AP4B1: variants seen among roughly 807,000 people sequenced by gnomAD.
AP4B1 encodes AP-4 complex subunit beta-1.
AP4B1 carries 49 observed loss-of-function variants against 76.5 expected under a neutral mutation model. That is an observed-to-expected ratio of 0.64 (90% CI 0.51 to 0.81). The LOEUF is 0.81. Ranked by LOEUF, AP4B1 falls within the 40% of genes least tolerant of loss-of-function variation. AP4B1 has a pLI of 0.00. For synonymous variants in AP4B1, 330 were observed against 333.3 expected (o/e 0.99, Z 0.11); for missense variants, 911 against 904.9 (o/e 1.01, Z -0.09).
chr1:113,899,391 C>T, intron 5 of AP4B1: 7 of 975,034 alleles, frequency 7.2e-6, no homozygotes, highest in Non-Finnish European at 8.6e-6. Context: ...GGTCTACATT[C>T]AGCACAATAC....
In AP4B1 at chr1:113,900,415, AAAC is replaced by A. The variant is rs1558090558; in HGVS notation, c.618-18_618-16del. The A allele has an allele frequency of 6.2e-7, 1 of 1,613,276 alleles. No individual in the cohort carries two copies. Among genetic ancestry groups the A allele is most frequent in the Non-Finnish European group, 8.5e-7 (1 of 1,179,892 alleles). ...GTTTTGACATTCTATCCAAAAAACA[AAAC>A]AAAAGAGCTATTTTAGCAACAAAAT... On this transcript the variant is annotated splice_polypyrimidine_tract_variant and intron_variant, in intron 4 of 9. Coordinates refer to ENST00000369569, the MANE Select transcript of AP4B1 (RefSeq NM_001253852.3).
At position 113,896,288 on chromosome 1, in the gene AP4B1, T is replaced by C. The variant is rs550954180; in HGVS notation, c.1480A>G (p.Met494Val). 9.9e-6 allele frequency: 16 copies of C among 1,614,212 alleles called. No homozygotes were observed. In the South Asian group the frequency reaches 1.4e-4, roughly 14 times the overall value. Residue 494 changes from methionine to valine, a missense_variant, in exon 8 of 10, where the codon ATG (methionine) becomes GTG (valine). Physicochemically the swap from Met to Val is conservative, Grantham distance 21. Transcript: ENST00000369569. ...FLSRPAECQD[M>V]LGRLLYYCIE... ...CAGTAATACAACAAACGTCCTAGCA[T>C]GTCCTGGCACTCAGCAGGTCGGGAG...
At chr1:113,899,862 G>A in intron 5 of AP4B1, 42 bp downstream of exon 5, 1 of 1,614,020 alleles carries the variant, frequency 6.2e-7, no homozygotes, top group Non-Finnish European at 8.5e-7. Context: ...TTTCTTGCTG[G>A]CTGGTCTAGG....
chr1:113,904,753 C>T lies in AP4B1; in HGVS notation c.-36G>A. 2 of 1,572,656 alleles carry T rather than the reference C, an allele frequency of 1.3e-6. No individual in the cohort carries two copies. The highest frequency in any genetic ancestry group is 1.7e-6 in the Non-Finnish European group (2 of 1,144,040). On this transcript the variant is annotated 5_prime_UTR_variant, in exon 1 of 10. Transcript: ENST00000369569. ...GTCACAGGGCAGCTCCCACAGCTCC[C>T]ACGGTAACTCGAGGGCTCCTTCTCG...
Position 113,897,845 on chromosome 1 carries a change from T to C in AP4B1, c.1297A>G (p.Ser433Gly). Reference sequence around the variant, plus strand: ...AAAGGAGAATTACAGTCTACCTCACTATCTTGAATGTTCTCTTCACAGCCG... The same window carrying C: ...AAAGGAGAATTACAGTCTACCTCACCATCTTGAATGTTCTCTTCACAGCCG... ...LPGCEENIQDSEGKQALIWLL... is the reference protein window; with the variant it reads ...LPGCEENIQDGEGKQALIWLL... The change falls in exon 7 of 10, where the codon AGT becomes GGT. Residue 433 changes from serine (S) to glycine (G), a missense_variant. Physicochemically the swap from Ser to Gly is moderately conservative, Grantham distance 56 (BLOSUM62 0). Transcript: ENST00000369569. 1 of 1,614,086 alleles carries C rather than the reference T, an allele frequency of 6.2e-7. No homozygotes were observed. Among genetic ancestry groups the C allele is most frequent in the Non-Finnish European group, 8.5e-7 (1 of 1,179,976 alleles).
In AP4B1 at chr1:113,895,358, G is replaced by A. The variant is rs763147902; in HGVS notation, c.1927C>T (p.Gln643Ter). ...TCTCCCCGCCAAGGCAACACTTGCT[G>A]ATGAGCAACTTTAAGGCTAAGCCAA... ...KTWLSLKVAH[Q>*]QVLPWRGEFH... is the part of the protein sequence containing the mutation. Residue 643 changes from glutamine (Q) to a stop codon, truncating the protein, a stop_gained, in exon 10 of 10, where the codon CAG becomes TAG. Coordinates refer to ENST00000369569, the MANE Select transcript of AP4B1 (RefSeq NM_001253852.3). LOFTEE classifies it high-confidence loss of function. 1 of 1,614,218 alleles carries A rather than the reference G, an allele frequency of 6.2e-7. No individual in the cohort carries two copies.
chr1:113,898,690 A>T (rs1667811412), intron 6 of AP4B1, 28 bp downstream of exon 6: 1 of 1,592,132 alleles, frequency 6.3e-7, no homozygotes, highest in Admixed American at 1.7e-5. Context: ...GACAAAAAAA[A>T]CAAAAATCCT....
At chr1:113,903,860 T>C (rs1019285399) in intron 1 of AP4B1, among the ~76,000 whole-genome samples, 2 of 152,224 alleles carry the variant, frequency 1.3e-5, no homozygotes, top group Admixed American at 6.5e-5. Context: ...TACAGATTCC[T>C]GGGTTCCCTC....
rs1403427073 is a variant in AP4B1, at chr1:113,902,502, A to C, written c.338+136T>G. On this transcript the variant is annotated intron_variant, in intron 2 of 9. Transcript: ENST00000369569. ...GGTTATTAAGCCAAAGCAGTGGCTG[A>C]AAATCTGAGTTCAGGGTACAATAAT... 3 of 893,660 alleles carry C rather than the reference A, an allele frequency of 3.4e-6. No homozygotes were observed. In the African/African-American group the frequency reaches 5.0e-5, roughly 15 times the overall value. The allele number at this position is 893,660 out of a possible 1,614,324, so 55.4% of individuals were successfully genotyped here.
intron 5 of AP4B1, 141 bp downstream of exon 5, chr1:113,899,763 A>T: frequency 2.2e-6 from 3 of 1,333,368 alleles, no homozygotes; most frequent in South Asian, 1.2e-5. Context: ...CCGTGTTTGT[A>T]GTCACTGACC....
rs370455247 is a variant in AP4B1, at chr1:113,900,150, G to A, written c.868C>T (p.Arg290Cys). The A allele has an allele frequency of 5.0e-6, 8 of 1,614,040 alleles. No individual in the cohort carries two copies. The highest frequency in any genetic ancestry group is 2.7e-5 in the African/African-American group (2 of 74,888). ...PLLAACSSESRELCFVALCHV... is the reference protein window; with the variant it reads ...PLLAACSSESCELCFVALCHV... ...CAAAGAGCAACAAAACAGAGCTCAC[G>A]GCTCTCTGAAGAACAGGCAGCTAGC... Residue 290 changes from arginine to cysteine, a missense_variant, in exon 5 of 10, where the codon CGT becomes TGT. Arg to Cys is a radical substitution (Grantham distance 180). Coordinates refer to ENST00000369569, the MANE Select transcript of AP4B1 (RefSeq NM_001253852.3).
At position 113,896,253 on chromosome 1, in the gene AP4B1, C is replaced by T; in HGVS notation, c.1510+5G>A. 1 of 1,614,122 alleles carries T rather than the reference C, an allele frequency of 6.2e-7. No homozygotes were observed. The highest frequency in any genetic ancestry group is 8.5e-7 in the Non-Finnish European group (1 of 1,179,996). ...GCAAATACTATTTCCTTCTGAAAAA[C>T]CCACCTATGCAGTAATACAACAAAC... is the stretch of plus-strand genomic sequence containing the variant. On this transcript the variant is annotated splice_donor_5th_base_variant and intron_variant, in intron 8 of 9. Coordinates refer to ENST00000369569, the MANE Select transcript of AP4B1 (RefSeq NM_001253852.3).
chr1:113,896,067 T>G lies in AP4B1; in HGVS notation c.1511-29A>C, dbSNP rs757549794. On this transcript the variant is annotated intron_variant, in intron 8 of 9. Coordinates refer to ENST00000369569, the MANE Select transcript of AP4B1 (RefSeq NM_001253852.3). Reference sequence around the variant, plus strand: ...AGGTAAGACAACAGATTGACTTCATTAAAAACAAAACCACTTTCCTCCTAC... The same window carrying G: ...AGGTAAGACAACAGATTGACTTCATGAAAAACAAAACCACTTTCCTCCTAC... 5 of 1,613,970 alleles carry G rather than the reference T, an allele frequency of 3.1e-6. No homozygotes were observed. The East Asian group carries it at 1.1e-4, about 36-fold the overall frequency.
intron 5 of AP4B1, 171 bp downstream of exon 5, chr1:113,899,733 C>CAA (rs3838300): frequency 1.3e-3 from 1,401 of 1,068,344 alleles, no homozygotes; most frequent in Non-Finnish European, 1.5e-3. Flanking sequence ...AAACAAAAAA[C>CAA]AAAAAAAAAC....
chr1:113,895,265 C>T lies in AP4B1; in HGVS notation c.2020G>A (p.Ala674Thr), dbSNP rs769479430. The T allele has an allele frequency of 7.4e-6, 12 of 1,614,208 alleles. No individual in the cohort carries two copies. In the South Asian group the frequency reaches 9.9e-5, roughly 13 times the overall value. The change falls in exon 10 of 10, where the codon GCT becomes ACT. Residue 674 changes from alanine (A) to threonine (T), a missense_variant. Ala to Thr is a moderately conservative substitution (Grantham distance 58). Coordinates refer to ENST00000369569, the MANE Select transcript of AP4B1 (RefSeq NM_001253852.3). Reference sequence around the variant, plus strand: ...TATGCTTTCCATGGCCGAGACCCAGCCCTACTCATTGCGATGGTCTGGATG... The same window carrying T: ...TATGCTTTCCATGGCCGAGACCCAGTCCTACTCATTGCGATGGTCTGGATG... ...VNIQTIAMSR[A>T]GSRPWKAYLS...
In AP4B1 at chr1:113,902,876, A is replaced by T. The variant is rs1444677069; in HGVS notation, c.114-14T>A. The T allele has an allele frequency of 1.2e-6, 2 of 1,613,132 alleles. No homozygotes were observed. The highest frequency in any genetic ancestry group is 2.7e-5 in the African/African-American group (2 of 74,922). On this transcript the variant is annotated splice_polypyrimidine_tract_variant and intron_variant, in intron 1 of 9. Coordinates refer to ENST00000369569, the MANE Select transcript of AP4B1 (RefSeq NM_001253852.3). ...TGAGTCATGTACCTGAACAACGCAC[A>T]TGACAGAAGGAAGTAAAATGCAAAA...
Position 113,896,481 on chromosome 1 carries a change from A to G in AP4B1, c.1303-16T>C, listed in dbSNP as rs538425977. On this transcript the variant is annotated splice_polypyrimidine_tract_variant and intron_variant, in intron 7 of 9. Coordinates refer to ENST00000369569, the MANE Select transcript of AP4B1 (RefSeq NM_001253852.3). ...CTTGCTTCCCCTAGAGAATAAAGGA[A>G]TAAGAGCAAGTGCTCAACACTTGAC... is the stretch of plus-strand genomic sequence containing the variant. 2.0e-5 allele frequency: 32 copies of G among 1,613,206 alleles called. No individual in the cohort carries two copies. The South Asian group carries it at 3.0e-4, about 15-fold the overall frequency.
Position 113,895,501 on chromosome 1 carries a change from G to C in AP4B1, c.1793-9C>G, listed in dbSNP as rs17031980. ...TTCAGGAATCAAGGGTCCTAAAAGA[G>C]ACAGAAAACTTGTGTGAAAGATGTT... On this transcript the variant is annotated splice_polypyrimidine_tract_variant and intron_variant, in intron 9 of 9. Coordinates refer to ENST00000369569, the MANE Select transcript of AP4B1 (RefSeq NM_001253852.3). 5.5e-3 allele frequency: 8,835 copies of C among 1,614,082 alleles called. 330 individuals are homozygous for C. In the Admixed American group the frequency reaches 0.089, roughly 16 times the overall value.
chr1:113,901,317 CAGT>C lies in AP4B1; in HGVS notation c.533_535del (p.Asn178_Cys179delinsSer). The C allele has an allele frequency of 2.5e-6, 4 of 1,614,076 alleles. No homozygotes were observed. The highest frequency in any genetic ancestry group is 3.4e-6 in the Non-Finnish European group (4 of 1,179,966). On this transcript the variant is annotated inframe_deletion, in exon 4 of 10. Coordinates refer to ENST00000369569, the MANE Select transcript of AP4B1 (RefSeq NM_001253852.3). The stretch of plus-strand genomic sequence containing the variant: ...CAGAATTTCCTCTAGAGACCTCAAG[CAGT>C]TCACAACTACAATTGGATCCTGGTC...
Sources: allele counts gnomAD v4.1 joint callset (sites outside exome capture counted in the v4.1 genomes callset), GRCh38; gene constraint gnomAD v4.1.1; transcripts MANE v1.5; gene names NCBI Gene and HGNC (gene_info 2026-07-23, HGNC 2026-07-21).